BEND3: variants seen among roughly 807,000 people sequenced by gnomAD.
The protein encoded by BEND3 is BEN domain-containing protein 3.
Under a neutral mutation model 60.1 loss-of-function variants are expected in BEND3, and 13 were observed. That is an observed-to-expected ratio of 0.22 (90% CI 0.14 to 0.34). BEND3 has a LOEUF of 0.34. Among genes scored for constraint, BEND3 ranks in the 10% least tolerant of loss-of-function variants. BEND3 has a pLI of 1.00. For missense variants in BEND3, 896 were observed against 1,138.1 expected (o/e 0.79, Z 3.06); for synonymous variants, 497 against 491.5 (o/e 1.01, Z -0.15).
At position 107,067,698 on chromosome 6, in the gene BEND3, TG is replaced by T. The variant is rs1774862054; in HGVS notation, c.*1005del. On this transcript the variant is annotated 3_prime_UTR_variant, in exon 4 of 4. Transcript: ENST00000369042. The stretch of plus-strand genomic sequence containing the variant: ...GCCTGGAGTAGCTAACACTGAGGTC[TG>T]GGGAAGTCACCACAAAGCTCCCGGA... 6.6e-6 allele frequency: 1 copy of T among 152,340 alleles called. No homozygotes were observed. The highest frequency in any genetic ancestry group is 2.4e-5 in the African/African-American group (1 of 41,450). 9.4% of individuals were successfully genotyped at this position (152,340 alleles called of 1,614,324 possible).
intron 2 of BEND3, 97 bp from the exon 3 acceptor site, chr6:107,098,850 T>C: frequency 1.1e-6 from 1 of 950,416 alleles, no homozygotes; most frequent in Non-Finnish European, 1.6e-6. Flanking sequence ...GGGCCGCCCT[T>C]TGACACCAGT....
At chr6:107,081,904 C>A (rs1582650050) in intron 3 of BEND3, among the ~76,000 whole-genome samples, 1 of 152,122 alleles carries the variant, frequency 6.6e-6, no homozygotes, top group Non-Finnish European at 1.5e-5. Context: ...TGAAGTGTGA[C>A]ATCATTTGTG....
Position 107,069,604 on chromosome 6 carries a change from G to C in BEND3, c.1587C>G (p.Ile529Met), listed in dbSNP as rs1416941559. 5 of 1,612,308 alleles carry C rather than the reference G, an allele frequency of 3.1e-6. No individual in the cohort carries two copies. Among genetic ancestry groups the C allele is most frequent in the African/African-American group, 2.7e-5 (2 of 74,952 alleles). Residue 529 changes from isoleucine to methionine, a missense_variant, in exon 4 of 4, where the codon ATC becomes ATG. Coordinates refer to ENST00000369042, the MANE Select transcript of BEND3 (RefSeq NM_001367314.1). Reference protein sequence around the residue: ...GERPGRRSKKIWLVPIDFDKL... With the variant: ...GERPGRRSKKMWLVPIDFDKL... Reference sequence around the variant, plus strand: ...TGTCGAAGTCGATGGGCACCAGCCAGATCTTCTTGGAGCGGCGACCCGGCC... The same window carrying C: ...TGTCGAAGTCGATGGGCACCAGCCACATCTTCTTGGAGCGGCGACCCGGCC...
intron 3 of BEND3, among the ~76,000 whole-genome samples, chr6:107,095,899 G>T (rs1174797750): frequency 6.6e-6 from 1 of 152,142 alleles, no homozygotes; most frequent in African/African-American, 2.4e-5. Context: ...GGGAGTGAAG[G>T]ATGAACAGAT....
At chr6:107,089,871 A>C (rs1391891222) in intron 3 of BEND3, among the ~76,000 whole-genome samples, 1 of 151,500 alleles carries the variant, frequency 6.6e-6, no homozygotes, top group Non-Finnish European at 1.5e-5. Context: ...CTGGGATTAC[A>C]GGCGTGAGCC....
chr6:107,087,383 G>A (rs1016760432), intron 3 of BEND3, among the ~76,000 whole-genome samples: 6 of 152,130 alleles, frequency 3.9e-5, no homozygotes, highest in African/African-American at 1.4e-4. Context: ...AGAGGTGGTA[G>A]GGATGCTGGA....
chr6:107,114,789 G>T (rs1554239043), intron 1 of BEND3, among the ~76,000 whole-genome samples: 6 of 146,602 alleles, frequency 4.1e-5, no homozygotes, highest in African/African-American at 1.5e-4. Context: ...CCGCCCCCGC[G>T]CGGCGCGCGT....
At position 107,085,623 on chromosome 6, in the gene BEND3, C is replaced by CT. The variant is rs568387626; in HGVS notation, c.240+12927dup. The stretch of plus-strand genomic sequence containing the variant: ...TCTCCTGCCTCAGCCTCCTGAGTAG[C>CT]TGGGACTACAGGCGCCTGCCACCAC... On this transcript the variant is annotated intron_variant, in intron 3 of 3. Coordinates refer to ENST00000369042, the MANE Select transcript of BEND3 (RefSeq NM_001367314.1). 6.9e-3 allele frequency among the ~76,000 whole-genome samples: 1,054 copies of CT among 151,690 alleles called. 12 individuals carry two copies. The highest frequency in any genetic ancestry group is 0.024 in the African/African-American group (1,011 of 41,290).
chr6:107,070,712 T>C lies in BEND3; in HGVS notation c.479A>G (p.Asn160Ser), dbSNP rs147739900. Reference sequence around the variant, plus strand: ...CAGTGACGAGGGGCTGTTGCTGGCGTTTGCCTTCTCAAAGAGCTCGTACAC... The same window carrying C: ...CAGTGACGAGGGGCTGTTGCTGGCGCTTGCCTTCTCAAAGAGCTCGTACAC... ...LNVYELFEKA[N>S]ASNSPSSLRL... The change falls in exon 4 of 4, where the codon AAC (asparagine) becomes AGC (serine). Residue 160 changes from asparagine to serine, a missense_variant. Around this residue, in one of 4 missense-constraint regions of BEND3, gnomAD observed 846 missense variants for 1,036.7 expected, o/e 0.82. Coordinates refer to ENST00000369042, the MANE Select transcript of BEND3 (RefSeq NM_001367314.1). The surrounding 1 kb of genome is among the most constrained non-coding windows in gnomAD (Gnocchi z 6.9). 7 of 1,613,500 alleles carry C rather than the reference T, an allele frequency of 4.3e-6. No homozygotes were observed. In the African/African-American group the frequency reaches 6.7e-5, roughly 15 times the overall value.
intron 1 of BEND3, among the ~76,000 whole-genome samples, chr6:107,108,157 G>C (rs1775860392): frequency 6.6e-6 from 1 of 152,200 alleles, no homozygotes; most frequent in African/African-American, 2.4e-5. Context: ...TGTAATTGTA[G>C]CTGCCTTCCT....
Position 107,069,134 on chromosome 6 carries a change from C to A in BEND3, c.2057G>T (p.Gly686Val), listed in dbSNP as rs1271741442. The A allele has an allele frequency of 2.5e-6, 4 of 1,612,544 alleles. No individual in the cohort carries two copies. The Admixed American group carries it at 6.7e-5, about 27-fold the overall frequency. The change falls in exon 4 of 4, where the codon GGG (glycine) becomes GTG (valine). Residue 686 changes from glycine to valine, a missense_variant. Physicochemically the swap from Gly to Val is moderately radical, Grantham distance 109. Coordinates refer to ENST00000369042, the MANE Select transcript of BEND3 (RefSeq NM_001367314.1). ...NPERFREEFE[G>V]PPLPPERSSK... Reference sequence around the variant, plus strand: ...GCTCCTCTCGGGGGGCAGTGGGGGCCCCTCAAACTCCTCCCGGAACCTCTC... The same window carrying A: ...GCTCCTCTCGGGGGGCAGTGGGGGCACCTCAAACTCCTCCCGGAACCTCTC...
intron 1 of BEND3, among the ~76,000 whole-genome samples, chr6:107,106,833 C>A (rs1437083152): frequency 3.9e-5 from 6 of 152,140 alleles, no homozygotes; most frequent in Admixed American, 2.0e-4. Flanking sequence ...GTCTCAAACT[C>A]CGGGCTTCCA....
At chr6:107,102,382 T>C (rs1267900587) in intron 1 of BEND3, among the ~76,000 whole-genome samples, 1 of 152,172 alleles carries the variant, frequency 6.6e-6, no homozygotes. Context: ...ACCACCACCA[T>C]GTGACCCTAC....
In BEND3 at chr6:107,067,616, G is replaced by C. The variant is rs939447082; in HGVS notation, c.*1088C>G. ...ATGGCCTGTGTCCTTCCAATGCATG[G>C]TATCCCCAAGAGGGGCCCAGACCTG... On this transcript the variant is annotated 3_prime_UTR_variant, in exon 4 of 4. Coordinates refer to ENST00000369042, the MANE Select transcript of BEND3 (RefSeq NM_001367314.1). The C allele has an allele frequency of 6.6e-6, 1 of 152,306 alleles. No individual in the cohort carries two copies. The highest frequency in any genetic ancestry group is 2.4e-5 in the African/African-American group (1 of 41,462). The allele number at this position is 152,306 out of a possible 1,614,324, so 9.4% of individuals were successfully genotyped here.
At position 107,069,121 on chromosome 6, in the gene BEND3, G is replaced by A. The variant is rs782707708; in HGVS notation, c.2070C>T (p.Pro690=). The change falls in exon 4 of 4, where the codon CCC becomes CCT. Residue 690 remains proline (P), a synonymous_variant. Coordinates refer to ENST00000369042, the MANE Select transcript of BEND3 (RefSeq NM_001367314.1). ...FREEFEGPPL[P]PERSSKDFCK... is the part of the protein sequence containing the mutation. ...AAAAGTCCTTGCTGCTCCTCTCGGG[G>A]GGCAGTGGGGGCCCCTCAAACTCCT... is the stretch of plus-strand genomic sequence containing the variant. 6.2e-7 allele frequency: 1 copy of A among 1,612,806 alleles called. No homozygotes were observed. The highest frequency in any genetic ancestry group is 2.2e-5 in the East Asian group (1 of 44,860).
intron 3 of BEND3, among the ~76,000 whole-genome samples, chr6:107,076,464 C>G (rs1161049938): frequency 6.6e-6 from 1 of 152,172 alleles, no homozygotes; most frequent in Non-Finnish European, 1.5e-5. Flanking sequence ...GCTGGAGAAT[C>G]TGACTGAACA....
At chr6:107,078,915 G>A (rs1385130072) in intron 3 of BEND3, among the ~76,000 whole-genome samples, 2 of 152,002 alleles carry the variant, frequency 1.3e-5, no homozygotes, top group Admixed American at 6.6e-5. Context: ...CCTAGGTGAG[G>A]ACAGGCACTC....
At chr6:107,082,623 C>T (rs369453734) in intron 3 of BEND3, among the ~76,000 whole-genome samples, 2 of 151,938 alleles carry the variant, frequency 1.3e-5, no homozygotes, top group Non-Finnish European at 2.9e-5. Context: ...TTAACAGACA[C>T]GAGGTTTGTT....
At chr6:107,086,530 G>A (rs1298250958) in intron 3 of BEND3, among the ~76,000 whole-genome samples, 7 of 151,810 alleles carry the variant, frequency 4.6e-5, no homozygotes, top group Admixed American at 2.0e-4. Context: ...CAGGAGAATC[G>A]CTTGAATCTG....
Sources: gnomAD v4.1 joint callset for allele counts (sites outside exome capture counted in the v4.1 genomes callset) on GRCh38, gnomAD v4.1.1 for gene constraint, gnomAD v4.1.1 regional missense constraint, Gnocchi (gnomAD v3.1) non-coding constraint, MANE v1.5 for transcripts, NCBI Gene and HGNC (gene_info 2026-07-23, HGNC 2026-07-21) for gene names.